SMAD1: variants seen among roughly 807,000 people sequenced by gnomAD.
SMAD1 encodes SMAD family member 1, also known as MAD, mothers against decapentaplegic homolog 1.
Under a neutral mutation model 41.6 loss-of-function variants are expected in SMAD1, and 6 were observed. The ratio of observed to expected loss-of-function variants is 0.14; its 90% CI spans 0.08 to 0.28. The LOEUF is 0.28. Ranked by LOEUF, SMAD1 falls within the 10% of genes least tolerant of loss-of-function variation. The pLI is 1.00. For synonymous variants in SMAD1, 206 were observed against 203.2 expected, an observed-to-expected ratio of 1.01 and a Z score of -0.12; for missense variants, 379 against 582.6, an observed-to-expected ratio of 0.65 and a Z score of 3.60.
At chr4:145,548,538 G>T (rs962572007) in intron 5 of SMAD1, among the ~76,000 whole-genome samples, 1 of 152,070 alleles carries the variant, frequency 6.6e-6, no homozygotes, top group African/African-American at 2.4e-5. Context: ...CCTCAGTACG[G>T]TATTGAATTT....
intron 2 of SMAD1, among the ~76,000 whole-genome samples, chr4:145,533,881 T>G (rs1731462735): frequency 1.3e-5 from 2 of 152,150 alleles, no homozygotes; most frequent in Admixed American, 6.5e-5. Context: ...ATATGTGGTG[T>G]TAGGAACTGA....
chr4:145,528,190 A>G (rs1578795457), intron 2 of SMAD1, among the ~76,000 whole-genome samples: 1 of 144,806 alleles, frequency 6.9e-6, no homozygotes, highest in Admixed American at 6.9e-5. Context: ...TGCAACCTCC[A>G]CCTCCTGGGT....
intron 5 of SMAD1, among the ~76,000 whole-genome samples, chr4:145,551,807 A>T (rs907627166): frequency 1.3e-5 from 2 of 152,232 alleles, no homozygotes; most frequent in Non-Finnish European, 2.9e-5. Flanking sequence ...GTGACAGTGT[A>T]AATTGATGCA....
In SMAD1 at chr4:145,542,861, CTTTAA is replaced by C. The variant is rs751186998; in HGVS notation, c.775+169_775+173del. Among the ~76,000 whole-genome samples the C allele has an allele frequency of 2.5e-3, 382 of 152,254 alleles. 7 individuals are homozygous for C. Among genetic ancestry groups the C allele is most frequent in the Non-Finnish European group, 1.1e-3 (77 of 68,030 alleles). ...TACAATTGCTGGATAACAAGTAAGT[CTTTAA>C]TTTAAAGAACAAATACACTGACTTA... On this transcript the variant is annotated intron_variant, in intron 4 of 6. Coordinates refer to ENST00000302085, the MANE Select transcript of SMAD1 (RefSeq NM_005900.3).
chr4:145,495,574 G>T (rs1301911396), intron 1 of SMAD1, among the ~76,000 whole-genome samples: 3 of 149,908 alleles, frequency 2.0e-5, no homozygotes, highest in Non-Finnish European at 4.4e-5. Flanking sequence ...TTCAATAAAG[G>T]ATCTTAAAAT....
chr4:145,501,748 G>A (rs1729455565), intron 1 of SMAD1, among the ~76,000 whole-genome samples: 2 of 149,674 alleles, frequency 1.3e-5, no homozygotes, highest in Admixed American at 1.3e-4. Context: ...TTGACTGAGG[G>A]ACTTCAGTAT....
chr4:145,512,856 T>G (rs1322755452), intron 1 of SMAD1, among the ~76,000 whole-genome samples: 24 of 152,204 alleles, frequency 1.6e-4, no homozygotes, highest in Admixed American at 1.6e-3. Context: ...TTGTTTTTCT[T>G]CTGGCAAGCT....
At chr4:145,548,506 G>A (rs985383268) in intron 5 of SMAD1, among the ~76,000 whole-genome samples, 5 of 152,118 alleles carry the variant, frequency 3.3e-5, no homozygotes, top group African/African-American at 9.7e-5. Flanking sequence ...GGAATTACAG[G>A]TGTGTGAGCC....
intron 2 of SMAD1, among the ~76,000 whole-genome samples, chr4:145,537,343 A>G (rs1407019743): frequency 6.6e-6 from 1 of 152,154 alleles, no homozygotes; most frequent in Non-Finnish European, 1.5e-5. Context: ...AATTCAGAAG[A>G]AGTGTATTTG....
intron 6 of SMAD1, among the ~76,000 whole-genome samples, chr4:145,557,351 G>A (rs1732900234): frequency 6.6e-6 from 1 of 152,126 alleles, no homozygotes; most frequent in Non-Finnish European, 1.5e-5. Context: ...TGTTGATAGG[G>A]GGACCTTCAG....
chr4:145,496,379 G>A (rs927478806), intron 1 of SMAD1, among the ~76,000 whole-genome samples: 1 of 152,014 alleles, frequency 6.6e-6, no homozygotes, highest in Non-Finnish European at 1.5e-5. Flanking sequence ...TTGTTCTATA[G>A]GACTCGTGTA....
At chr4:145,488,597 G>C (rs150581494) in intron 1 of SMAD1, among the ~76,000 whole-genome samples, 4 of 150,434 alleles carry the variant, frequency 2.7e-5, no homozygotes, top group African/African-American at 5.0e-5. Flanking sequence ...GAAAAAAGGT[G>C]GGGGGGAGAC....
At chr4:145,488,640 G>A (rs1728619081) in intron 1 of SMAD1, among the ~76,000 whole-genome samples, 1 of 152,012 alleles carries the variant, frequency 6.6e-6, no homozygotes, top group African/African-American at 2.4e-5. Context: ...CATTAATTAA[G>A]CCATTATTCA....
intron 1 of SMAD1, among the ~76,000 whole-genome samples, chr4:145,510,549 T>G (rs2126387462): frequency 6.6e-6 from 1 of 152,278 alleles, no homozygotes; most frequent in East Asian, 1.9e-4. Flanking sequence ...ACAATGTTTT[T>G]ATTGATTTAG....
intron 2 of SMAD1, among the ~76,000 whole-genome samples, chr4:145,522,050 G>A (rs894815593): frequency 1.3e-5 from 2 of 152,204 alleles, no homozygotes; most frequent in East Asian, 1.9e-4. Flanking sequence ...GCTCATGCCT[G>A]TAATCCCAAC....
chr4:145,534,923 T>C (rs990027131), intron 2 of SMAD1, among the ~76,000 whole-genome samples: 4 of 151,766 alleles, frequency 2.6e-5, no homozygotes, highest in Non-Finnish European at 5.9e-5. Flanking sequence ...TACCAAAAAA[T>C]ATACATAAGT....
chr4:145,548,438 C>T (rs1560763268), intron 5 of SMAD1, among the ~76,000 whole-genome samples: 1 of 152,182 alleles, frequency 6.6e-6, no homozygotes, highest in East Asian at 1.9e-4. Context: ...ACCTTGTTGG[C>T]TAGGCTGGTC....
intron 2 of SMAD1, among the ~76,000 whole-genome samples, chr4:145,525,340 A>G (rs925034591): frequency 1.3e-5 from 2 of 152,198 alleles, no homozygotes; most frequent in Non-Finnish European, 2.9e-5. Context: ...CTGCCCTGAT[A>G]TTTGGAAAAA....
At position 145,546,605 on chromosome 4, in the gene SMAD1, C is replaced by G. The variant is rs1005118667; in HGVS notation, c.776-98C>G. 7.1e-6 allele frequency: 6 copies of G among 849,160 alleles called. No individual in the cohort carries two copies. In the Admixed American group the frequency reaches 1.1e-4, roughly 15 times the overall value. The allele number at this position is 849,160 out of a possible 1,614,324, so 52.6% of individuals were successfully genotyped here. Reference sequence around the variant, plus strand: ...ATAATAGCAATTGCTTTTCCAGTGTCTTCATTCCATGATCCTGAGCCAATT... The same window carrying G: ...ATAATAGCAATTGCTTTTCCAGTGTGTTCATTCCATGATCCTGAGCCAATT... On this transcript the variant is annotated intron_variant, in intron 4 of 6. Coordinates refer to ENST00000302085, the MANE Select transcript of SMAD1 (RefSeq NM_005900.3).
Sources: gnomAD v4.1 joint callset for allele counts (sites outside exome capture counted in the v4.1 genomes callset) on GRCh38, gnomAD v4.1.1 for gene constraint, MANE v1.5 for transcripts, NCBI Gene and HGNC (gene_info 2026-07-23, HGNC 2026-07-21) for gene names.